Variants in PLK4 observed in about 807,000 individuals in gnomAD.
PLK4 encodes the protein serine/threonine-protein kinase PLK4.
A neutral mutation model predicts 103.0 loss-of-function variants in PLK4; 51 were observed. The observed-to-expected ratio is 0.50, with a 90% CI of 0.40 to 0.63. PLK4 has a LOEUF of 0.63. Among genes scored for constraint, PLK4 ranks in the 20% least tolerant of loss-of-function variants. The pLI, the probability that PLK4 is intolerant of heterozygous loss-of-function variation, is 0.00. For missense variants in PLK4, 1,054 were observed against 1,151.0 expected (o/e 0.92, Z 1.22); for synonymous variants, 389 against 376.8 (o/e 1.03, Z -0.38).
At position 127,886,041 on chromosome 4, in the gene PLK4, T is replaced by C. The variant is rs1435248398; in HGVS notation, c.671T>C (p.Val224Ala). 6.2e-6 allele frequency: 10 copies of C among 1,613,678 alleles called. No homozygotes were observed. The highest frequency in any genetic ancestry group is 7.6e-6 in the Non-Finnish European group (9 of 1,179,646). Residue 224 changes from valine to alanine, a missense_variant, in exon 5 of 16, where the codon GTA becomes GCA. Val to Ala is a moderately conservative substitution (Grantham distance 64). Around this residue, in one of 4 missense-constraint regions of PLK4, gnomAD observed 680 missense variants for 660.3 expected, o/e 1.03. Coordinates refer to ENST00000270861, the MANE Select transcript of PLK4 (RefSeq NM_014264.5). ...DTVKNTLNKV[V>A]LADYEMPSFL... Reference sequence around the variant, plus strand: ...GTCAAGAACACATTAAATAAAGTAGTATTGGCAGATTATGAAATGCCATCT... The same window carrying C: ...GTCAAGAACACATTAAATAAAGTAGCATTGGCAGATTATGAAATGCCATCT...
At position 127,886,320 on chromosome 4, in the gene PLK4, C is replaced by T. The variant is rs35049837; in HGVS notation, c.950C>T (p.Pro317Leu). ...AAAAGAAGACTTTTGATTGGTCAGCCACTCCCAAATAAAATGACTGTATTT... is the reference window on the plus strand; with the variant it reads ...AAAAGAAGACTTTTGATTGGTCAGCTACTCCCAAATAAAATGACTGTATTT... ...FDKRRLLIGQ[P>L]LPNKMTVFPK... The change falls in exon 5 of 16, where the codon CCA becomes CTA. Residue 317 changes from proline to leucine, a missense_variant. Around this residue, in one of 4 missense-constraint regions of PLK4, gnomAD observed 680 missense variants for 660.3 expected, o/e 1.03. Transcript: ENST00000270861. The T allele has an allele frequency of 3.3e-3, 5,312 of 1,613,798 alleles. 15 individuals are homozygous for T. Among genetic ancestry groups the T allele is most frequent in the Non-Finnish European group, 4.1e-3 (4,819 of 1,179,906 alleles).
intron 13 of PLK4, among the ~76,000 whole-genome samples, chr4:127,894,660 A>G (rs756327814): frequency 8.5e-5 from 13 of 152,194 alleles, no homozygotes; most frequent in Admixed American, 2.0e-4. Flanking sequence ...ATGCAACATT[A>G]AAGAAATAGG....
In PLK4 at chr4:127,898,692, AC is replaced by A. The variant is rs1359067335; in HGVS notation, c.*152del. The stretch of plus-strand genomic sequence containing the variant: ...AATGTAAAGGATGTATTCTGAGAGA[AC>A]AAAGCAGAATGAAACTTGAGTCACT... On this transcript the variant is annotated 3_prime_UTR_variant, in exon 16 of 16. Transcript: ENST00000270861. 3 of 540,198 alleles carry A rather than the reference AC, an allele frequency of 5.6e-6. No homozygotes were observed. In the African/African-American group the frequency reaches 5.8e-5, roughly 10 times the overall value. The allele number at this position is 540,198 out of a possible 1,614,324, so 33.5% of individuals were successfully genotyped here. A position where few individuals can be genotyped will look rare whatever the true frequency, so the allele number is the denominator to read the frequency against.
chr4:127,891,575 G>A lies in PLK4; in HGVS notation c.1936-4G>A, dbSNP rs780185033. ...ATTAGAATTTTAAAAAAATCTTTTG[G>A]CAGATCACTATTTATTATCCAAATG... On this transcript the variant is annotated splice_polypyrimidine_tract_variant and splice_region_variant and intron_variant, in intron 8 of 15. Coordinates refer to ENST00000270861, the MANE Select transcript of PLK4 (RefSeq NM_014264.5). 7.1e-7 allele frequency: 1 copy of A among 1,405,516 alleles called. No homozygotes were observed. Among genetic ancestry groups the A allele is most frequent in the Admixed American group, 2.0e-5 (1 of 49,352 alleles). The allele number at this position is 1,405,516 out of a possible 1,614,324, so 87.1% of individuals were successfully genotyped here.
intron 14 of PLK4, 53 bp downstream of exon 14, chr4:127,895,146 T>G: frequency 7.8e-7 from 1 of 1,274,518 alleles, no homozygotes; most frequent in Non-Finnish European, 1.1e-6. Context: ...CTTTTCATTT[T>G]CACACTGATA....
intron 2 of PLK4, 58 bp downstream of exon 2, chr4:127,881,984 A>G: frequency 2.2e-6 from 2 of 917,636 alleles, no homozygotes; most frequent in Non-Finnish European, 1.8e-6. Flanking sequence ...GAGAGGTATC[A>G]GAGATGTCAG....
In PLK4 at chr4:127,893,873, A is replaced by C. The variant is rs546161912; in HGVS notation, c.2554A>C (p.Asn852His). 6.7e-7 allele frequency: 1 copy of C among 1,494,138 alleles called. No homozygotes were observed. The highest frequency in any genetic ancestry group is 2.3e-5 in the East Asian group (1 of 44,356). 92.6% of individuals were successfully genotyped at this position (1,494,138 alleles called of 1,614,324 possible). A position where few individuals can be genotyped will look rare whatever the true frequency, so the allele number is the denominator to read the frequency against. Residue 852 changes from asparagine (N) to histidine (H), a missense_variant, in exon 13 of 16, where the codon AAT becomes CAT. Asn to His is a moderately conservative substitution (Grantham distance 68). Around this residue, in one of 4 missense-constraint regions of PLK4, gnomAD observed 167 missense variants for 200.7 expected, o/e 0.83. Coordinates refer to ENST00000270861, the MANE Select transcript of PLK4 (RefSeq NM_014264.5). ...TTCTCCAACACAGGCACCAATCCTT[A>C]ATCCCTCTGTAAGTAAATATATGTC... is the stretch of plus-strand genomic sequence containing the variant. ...AASPTQAPIL[N>H]PSMVTNEGLG...
chr4:127,886,696 A>G lies in PLK4; in HGVS notation c.1326A>G (p.Gly442=), dbSNP rs1458141413. ...AAGAAAAGACATCCAGTAGTTCTGG[A>G]TCTTTTGAAAGACCTGATAACAATC... ...FFKEKTSSSS[G]SFERPDNNQA... is the part of the protein sequence containing the mutation. The change falls in exon 5 of 16, where the codon GGA becomes GGG. Residue 442 remains glycine (G), a synonymous_variant. Transcript: ENST00000270861. The G allele has an allele frequency of 2.5e-6, 4 of 1,608,790 alleles. No homozygotes were observed. The South Asian group carries it at 4.4e-5, about 18-fold the overall frequency.
rs1218117080 is a variant in PLK4, at chr4:127,886,620, A to C, written c.1250A>C (p.Glu417Ala). ...VSKRSGGGEN[E>A]ERYSPTDNNA... ...AAAAGATCAGGAGGAGGTGAAAATG[A>C]AGAGAGGTACTCACCCACAGACAAC... is the stretch of plus-strand genomic sequence containing the variant. Residue 417 changes from glutamate to alanine, a missense_variant, in exon 5 of 16, where the codon GAA becomes GCA. Glu to Ala is a moderately radical substitution (Grantham distance 107). Transcript: ENST00000270861. 6 of 1,613,590 alleles carry C rather than the reference A, an allele frequency of 3.7e-6. No individual in the cohort carries two copies. Among genetic ancestry groups the C allele is most frequent in the Non-Finnish European group, 5.1e-6 (6 of 1,179,570 alleles).
intron 7 of PLK4, 155 bp from the exon 8 acceptor site, chr4:127,890,937 A>G (rs1735332147): frequency 2.2e-6 from 1 of 457,390 alleles, no homozygotes; most frequent in Admixed American, 3.8e-5. Context: ...GTGCTCAAAT[A>G]TACCTCTGAT....
At chr4:127,898,380 C>CT (rs1735655909) in intron 15 of PLK4, 59 bp from the exon 16 acceptor site, 5 of 791,202 alleles carry the variant, frequency 6.3e-6, no homozygotes, top group Non-Finnish European at 1.1e-5. Flanking sequence ...TTTTGGGACT[C>CT]TCATGAGAAC....
At position 127,895,052 on chromosome 4, in the gene PLK4, T is replaced by C; in HGVS notation, c.2662T>C (p.Leu888=). 5 of 1,612,646 alleles carry C rather than the reference T, an allele frequency of 3.1e-6. No individual in the cohort carries two copies. The highest frequency in any genetic ancestry group is 4.2e-6 in the Non-Finnish European group (5 of 1,179,388). Residue 888 remains leucine (L), a synonymous_variant, in exon 14 of 16, where the codon TTG becomes CTG. Transcript: ENST00000270861. ...TTGTCTTCCTAAATCAGCACAACTT[T>C]TGAAATCTGTTTTTGTGAAAAATGT... The part of the protein sequence containing the change: ...KDCLPKSAQL[L]KSVFVKNVGW...
intron 1 of PLK4, 29 bp from the exon 2 acceptor site, chr4:127,881,800 TCA>T: frequency 8.1e-7 from 1 of 1,235,578 alleles, no homozygotes; most frequent in Middle Eastern, 1.9e-4. Context: ...CTGTGAGTCA[TCA>T]CACATAATCT....
rs778464692 is a variant in PLK4 at position 127,889,989 on chromosome 4, C to CT, written c.1584dup (p.Asp529Ter). ...ACTGATACAAAAGTCAAAAAGAACT[C>CT]TGATGCTTCTGATAATGCACATTCT... On this transcript the variant is annotated frameshift_variant, in exon 7 of 16. Coordinates refer to ENST00000270861, the MANE Select transcript of PLK4 (RefSeq NM_014264.5). LOFTEE classifies it high-confidence loss of function. The CT allele has an allele frequency of 3.1e-6, 5 of 1,614,068 alleles. No individual in the cohort carries two copies. Among genetic ancestry groups the CT allele is most frequent in the Non-Finnish European group, 4.2e-6 (5 of 1,179,948 alleles).
chr4:127,890,531 A>T (rs1319053800), intron 7 of PLK4, among the ~76,000 whole-genome samples: 1 of 152,158 alleles, frequency 6.6e-6, no homozygotes, highest in African/African-American at 2.4e-5. Flanking sequence ...GTTAAAGATT[A>T]TTTTGTTCAC....
chr4:127,886,529 A>C lies in PLK4; in HGVS notation c.1159A>C (p.Ser387Arg). 4 of 1,613,888 alleles carry C rather than the reference A, an allele frequency of 2.5e-6. No homozygotes were observed. Among genetic ancestry groups the C allele is most frequent in the Non-Finnish European group, 3.4e-6 (4 of 1,179,804 alleles). ...CTCTGATAGATCTGGCACTTCTAAT[A>C]GTCAGTCTCAAGCAAAAACATATAC... ...YSSDRSGTSN[S>R]QSQAKTYTME... is the part of the protein sequence containing the mutation. The change falls in exon 5 of 16, where the codon AGT becomes CGT. Residue 387 changes from serine (S) to arginine (R), a missense_variant. Physicochemically the swap from Ser to Arg is moderately radical, Grantham distance 110 (BLOSUM62 -1). This residue lies in a region of PLK4 where 680 missense variants were observed against 660.3 expected (regional missense o/e 1.03). Transcript: ENST00000270861.
At chr4:127,893,160 T>G (rs1735427350) in intron 10 of PLK4, 125 bp from the exon 11 acceptor site, 1 of 523,194 alleles carries the variant, frequency 1.9e-6, no homozygotes. Context: ...TTATTAATAG[T>G]CAATAAATGA....
intron 13 of PLK4, 49 bp from the exon 14 acceptor site, chr4:127,894,904 T>A (rs553858422): frequency 7.8e-7 from 1 of 1,280,574 alleles, no homozygotes; most frequent in African/African-American, 1.5e-5. Context: ...TGAATGTGGC[T>A]TATAAAAATG....
At chr4:127,885,537 A>G (rs181843179) in intron 4 of PLK4, among the ~76,000 whole-genome samples, 171 bp from the exon 5 acceptor site, 277 of 150,882 alleles carry the variant, frequency 1.8e-3, no homozygotes, top group African/African-American at 6.2e-3. Flanking sequence ...TGTTGGTACC[A>G]CTCTGATAAT....
Sources: gnomAD v4.1 joint callset for allele counts (sites outside exome capture counted in the v4.1 genomes callset) on GRCh38, gnomAD v4.1.1 for gene constraint, gnomAD v4.1.1 regional missense constraint, MANE v1.5 for transcripts, NCBI Gene and HGNC (gene_info 2026-07-23, HGNC 2026-07-21) for gene names.